Variants in IMMP2L observed in about 807,000 individuals in gnomAD.
The protein encoded by IMMP2L is mitochondrial inner membrane protease subunit 2.
A neutral mutation model predicts 19.3 loss-of-function variants in IMMP2L; 18 were observed. That is an observed-to-expected ratio of 0.93 (90% CI 0.64 to 1.38). The LOEUF is 1.38. IMMP2L is among the 40% of genes most tolerant of loss of function. IMMP2L has a pLI of 0.00. For missense variants in IMMP2L, 233 were observed against 218.2 expected, an observed-to-expected ratio of 1.07 and a Z score of -0.43; for synonymous variants, 76 against 73.0, an observed-to-expected ratio of 1.04 and a Z score of -0.21.
intron 5 of IMMP2L, among the ~76,000 whole-genome samples, chr7:110,847,882 C>G (rs1805825050): frequency 6.6e-6 from 1 of 152,100 alleles, no homozygotes; most frequent in Non-Finnish European, 1.5e-5. Context: ...AAAATCTAGA[C>G]AGACTTTACA....
intron 3 of IMMP2L, among the ~76,000 whole-genome samples, chr7:111,221,654 C>G (rs1382232092): frequency 6.6e-6 from 1 of 151,852 alleles, no homozygotes; most frequent in Non-Finnish European, 1.5e-5. Context: ...ATTCCATGTT[C>G]ACATGTGGGA....
At chr7:111,313,171 T>G (rs1277462789) in intron 3 of IMMP2L, among the ~76,000 whole-genome samples, 1 of 152,120 alleles carries the variant, frequency 6.6e-6, no homozygotes, top group African/African-American at 2.4e-5. Flanking sequence ...CTAATGCTTC[T>G]GGAACTCACA....
chr7:111,079,203 C>T (rs112482778), intron 3 of IMMP2L, among the ~76,000 whole-genome samples: 13,578 of 148,894 alleles, frequency 0.091, 807 homozygotes, highest in Middle Eastern at 0.21. Context: ...CTGCAAGCTC[C>T]GCCTCCCGGG....
At chr7:111,550,367 C>T (rs996565227) in intron 1 of IMMP2L, among the ~76,000 whole-genome samples, 4 of 152,102 alleles carry the variant, frequency 2.6e-5, no homozygotes, top group Non-Finnish European at 5.9e-5. Context: ...ATACTATAAG[C>T]ATACATACAT....
At chr7:111,110,957 A>G (rs1335107236) in intron 3 of IMMP2L, among the ~76,000 whole-genome samples, 12 of 152,208 alleles carry the variant, frequency 7.9e-5, no homozygotes, top group Non-Finnish European at 1.5e-5. Context: ...AAAATGTATT[A>G]AATCCTAACC....
intron 5 of IMMP2L, among the ~76,000 whole-genome samples, chr7:110,848,773 A>G (rs1805915514): frequency 6.6e-6 from 1 of 152,174 alleles, no homozygotes; most frequent in South Asian, 2.1e-4. Flanking sequence ...TAGGAAACTT[A>G]TATGCAAATT....
chr7:111,023,948 A>G (rs1585811261), intron 3 of IMMP2L, among the ~76,000 whole-genome samples: 1 of 152,204 alleles, frequency 6.6e-6, no homozygotes, highest in African/African-American at 2.4e-5. Context: ...ATAGTCCAGT[A>G]TATATTCAAC....
At chr7:111,443,421 T>A (rs1195477869) in intron 3 of IMMP2L, among the ~76,000 whole-genome samples, 1 of 152,136 alleles carries the variant, frequency 6.6e-6, no homozygotes, top group Non-Finnish European at 1.5e-5. Context: ...CAGAGGAGGA[T>A]AAAATCACAG....
chr7:111,250,022 A>T (rs151240469), intron 3 of IMMP2L, among the ~76,000 whole-genome samples: 1 of 152,278 alleles, frequency 6.6e-6, no homozygotes, highest in African/African-American at 2.4e-5. Context: ...GTCTCAGCCC[A>T]AAAGCTCCTT....
At chr7:110,687,149 T>C (rs1793173148) in intron 5 of IMMP2L, among the ~76,000 whole-genome samples, 1 of 152,126 alleles carries the variant, frequency 6.6e-6, no homozygotes, top group Admixed American at 6.6e-5. Flanking sequence ...ATGGTTACTC[T>C]GTATTCATAA....
intron 3 of IMMP2L, among the ~76,000 whole-genome samples, chr7:111,121,627 T>C (rs1208225577): frequency 6.6e-6 from 1 of 152,172 alleles, no homozygotes; most frequent in Non-Finnish European, 1.5e-5. Context: ...TTTACACTGT[T>C]GGTGGGGCTG....
At position 110,795,534 on chromosome 7, in the gene IMMP2L, C is replaced by T. The variant is rs530554380; in HGVS notation, c.408+91059G>A. Reference sequence around the variant, plus strand: ...TGACAGTGCTTTTTACTTAACAGCCCTAACAACCAACTCAAGCATAAGCAT... The same window carrying T: ...TGACAGTGCTTTTTACTTAACAGCCTTAACAACCAACTCAAGCATAAGCAT... On this transcript the variant is annotated intron_variant, in intron 5 of 5. Coordinates refer to ENST00000405709, the MANE Select transcript of IMMP2L (RefSeq NM_032549.4). Among the ~76,000 whole-genome samples the T allele has an allele frequency of 1.8e-4, 28 of 152,140 alleles. 1 individual carries two copies. The South Asian group carries it at 5.8e-3, about 32-fold the overall frequency.
At chr7:111,091,875 A>C (rs777498696) in intron 3 of IMMP2L, among the ~76,000 whole-genome samples, 1 of 151,922 alleles carries the variant, frequency 6.6e-6, no homozygotes, top group Non-Finnish European at 1.5e-5. Flanking sequence ...GAGAAGACAG[A>C]GAGGAGACAG....
At chr7:111,088,599 T>G (rs888055416) in intron 3 of IMMP2L, among the ~76,000 whole-genome samples, 11 of 152,286 alleles carry the variant, frequency 7.2e-5, no homozygotes, top group African/African-American at 2.6e-4. Context: ...CCTGAGGGGC[T>G]CTATCCTGGC....
At chr7:110,919,860 G>A (rs1055110621) in intron 4 of IMMP2L, among the ~76,000 whole-genome samples, 1 of 152,110 alleles carries the variant, frequency 6.6e-6, no homozygotes, top group Non-Finnish European at 1.5e-5. Context: ...TCGGTGGACT[G>A]GGAGAGGCAG....
chr7:110,793,454 A>G (rs1286575649), intron 5 of IMMP2L, among the ~76,000 whole-genome samples: 7 of 151,908 alleles, frequency 4.6e-5, no homozygotes, highest in Non-Finnish European at 7.4e-5. Context: ...CAAACAAAAC[A>G]ACTTAAAAGA....
intron 4 of IMMP2L, among the ~76,000 whole-genome samples, chr7:110,958,977 T>C (rs953801999): frequency 2.0e-5 from 3 of 152,016 alleles, no homozygotes; most frequent in African/African-American, 7.2e-5. Flanking sequence ...CCTACTGCCC[T>C]ACTTCCCCAG....
intron 3 of IMMP2L, among the ~76,000 whole-genome samples, chr7:111,485,712 A>T (rs1375493425): frequency 6.6e-6 from 1 of 151,824 alleles, no homozygotes; most frequent in East Asian, 1.9e-4. Flanking sequence ...AATAAATATC[A>T]ATCACTATGA....
chr7:110,734,220 G>C (rs1168394729), intron 5 of IMMP2L, among the ~76,000 whole-genome samples: 2 of 152,176 alleles, frequency 1.3e-5, no homozygotes, highest in Admixed American at 6.5e-5. Context: ...TCTTCTTAGA[G>C]ATTATCTAAG....
Sources: gnomAD v4.1 joint callset for allele counts (sites outside exome capture counted in the v4.1 genomes callset) on GRCh38, gnomAD v4.1.1 for gene constraint, MANE v1.5 for transcripts, NCBI Gene and HGNC (gene_info 2026-07-23, HGNC 2026-07-21) for gene names.